CCDC196: variants seen among roughly 807,000 people sequenced by gnomAD.
CCDC196 encodes coiled-coil domain containing 196.
intron 5 of CCDC196, 67 bp downstream of exon 5, chr14:66,490,886 G>C (rs1474628897): frequency 2.5e-6 from 1 of 407,820 alleles, no homozygotes. Context: ...ACAGCCTGCT[G>C]ACAATCAGGG....
chr14:66,493,071 C>T (rs567518796), intron 8 of CCDC196, among the ~76,000 whole-genome samples: 6 of 152,208 alleles, frequency 3.9e-5, no homozygotes. Flanking sequence ...TGAATATGAA[C>T]TCCATTTTTC....
chr14:66,498,177 A>G lies in CCDC196; in HGVS notation c.774+10A>G. The G allele has an allele frequency of 2.4e-6, 1 of 412,982 alleles. No individual in the cohort carries two copies. The highest frequency in any genetic ancestry group is 4.4e-6 in the Non-Finnish European group (1 of 225,740). The allele number at this position is 412,982 out of a possible 1,614,324, so 25.6% of individuals were successfully genotyped here. On this transcript the variant is annotated intron_variant, in intron 9 of 9. Coordinates refer to ENST00000636229, the MANE Select transcript of CCDC196 (RefSeq NM_001351576.1). ...AAATGAACACCATGTGGTGAGAACT[A>G]CTTTCTTTAAACAAACAAAAAATCG...
intron 8 of CCDC196, chr14:66,496,809 A>G (rs144089663): frequency 6.3e-6 from 1 of 159,682 alleles, no homozygotes; most frequent in East Asian, 1.8e-4. Context: ...CCTCCCCTCA[A>G]TCCCCACCAA....
chr14:66,488,569 A>G (rs1394111826), intron 3 of CCDC196, among the ~76,000 whole-genome samples: 1 of 152,188 alleles, frequency 6.6e-6, no homozygotes, highest in African/African-American at 2.4e-5. Flanking sequence ...AAGAATAGAA[A>G]ATACCTATCA....
rs1304395096 is a variant in CCDC196, at chr14:66,489,050, G to C, written c.351+13G>C. 4.8e-6 allele frequency: 2 copies of C among 413,044 alleles called. No homozygotes were observed. Among genetic ancestry groups the C allele is most frequent in the East Asian group, 7.1e-5 (2 of 28,070 alleles). The allele number at this position is 413,044 out of a possible 1,614,324, so 25.6% of individuals were successfully genotyped here. ...GCTATGGAACAAGGTGTGCCTCTAAGGATCTATTGAAAGTATTGTCCTACA... is the reference window on the plus strand; with the variant it reads ...GCTATGGAACAAGGTGTGCCTCTAACGATCTATTGAAAGTATTGTCCTACA... On this transcript the variant is annotated intron_variant, in intron 4 of 9. Transcript: ENST00000636229.
At chr14:66,490,139 T>C (rs181669747) in intron 4 of CCDC196, among the ~76,000 whole-genome samples, 1 of 152,310 alleles carries the variant, frequency 6.6e-6, no homozygotes, top group Admixed American at 6.5e-5. Flanking sequence ...AGTTCCTGGG[T>C]TCTTGAGTCC....
chr14:66,488,174 G>A lies in CCDC196; in HGVS notation c.218G>A (p.Arg73Lys). The A allele has an allele frequency of 2.4e-6, 1 of 413,126 alleles. No individual in the cohort carries two copies. The highest frequency in any genetic ancestry group is 4.4e-6 in the Non-Finnish European group (1 of 225,874). 25.6% of individuals were successfully genotyped at this position (413,126 alleles called of 1,614,324 possible). A position where few individuals can be genotyped will look rare whatever the true frequency, so the allele number is the denominator to read the frequency against. ...CTTTCTTCTAGTCTTCAGATCATGA[G>A]ACAGATCATGGCAGGGAAGGGGTGT... ...EEKQRSLQIM[R>K]QIMAGKGCEE... Residue 73 changes from arginine (R) to lysine (K), a missense_variant, in exon 3 of 10, where the codon AGA becomes AAA. Physicochemically the swap from Arg to Lys is conservative, Grantham distance 26. Transcript: ENST00000636229.
chr14:66,495,939 T>C lies in CCDC196; in HGVS notation c.716-2170T>C, dbSNP rs78923640. On this transcript the variant is annotated intron_variant, in intron 8 of 9. Transcript: ENST00000636229. ...TATTTTACTCCCTGTACTACAGTTA[T>C]CTCCATTTCAAAAAACAGTCACTGC... is the stretch of plus-strand genomic sequence containing the variant. Among the ~76,000 whole-genome samples, 1,169 of 152,346 alleles carry C rather than the reference T, an allele frequency of 7.7e-3. 25 individuals carry two copies. The highest frequency in any genetic ancestry group is 0.027 in the African/African-American group (1,112 of 41,568).
intron 4 of CCDC196, among the ~76,000 whole-genome samples, chr14:66,489,980 C>T (rs144185320): frequency 1.9e-3 from 291 of 152,234 alleles, no homozygotes; most frequent in African/African-American, 6.6e-3. Flanking sequence ...GTGATATAAA[C>T]AGATATATAG....
intron 8 of CCDC196, among the ~76,000 whole-genome samples, chr14:66,492,489 G>C (rs942492403): frequency 4.5e-4 from 68 of 151,752 alleles, no homozygotes; most frequent in Non-Finnish European, 1.0e-4. Context: ...TTACAGGCAC[G>C]CACCACCATG....
At chr14:66,486,832 C>G (rs2057412478) in intron 2 of CCDC196, 23 bp downstream of exon 2, 1 of 412,450 alleles carries the variant, frequency 2.4e-6, no homozygotes, top group South Asian at 1.3e-4. Context: ...ACTCTGGATT[C>G]CTAGAGGTAA....
rs148689303 is a variant in CCDC196, at chr14:66,490,707, C to T, written c.352-35C>T. The T allele has an allele frequency of 3.0e-3, 1,182 of 399,078 alleles. 4 individuals carry two copies. The highest frequency in any genetic ancestry group is 4.7e-3 in the Non-Finnish European group (1,064 of 226,004). The allele number at this position is 399,078 out of a possible 1,614,324, so 24.7% of individuals were successfully genotyped here. ...TTTCCACTTCCCTCTTTAATTTCCACTACTTTAAAGCTTTGCCAAAATGTC... is the reference window on the plus strand; with the variant it reads ...TTTCCACTTCCCTCTTTAATTTCCATTACTTTAAAGCTTTGCCAAAATGTC... On this transcript the variant is annotated intron_variant, in intron 4 of 9. Coordinates refer to ENST00000636229, the MANE Select transcript of CCDC196 (RefSeq NM_001351576.1).
intron 2 of CCDC196, among the ~76,000 whole-genome samples, chr14:66,487,559 C>A (rs978270028): frequency 2.6e-5 from 4 of 152,136 alleles, no homozygotes; most frequent in African/African-American, 4.8e-5. Flanking sequence ...GAAAAAAGTA[C>A]AAGAACACAA....
chr14:66,496,653 C>T (rs1594748821), intron 8 of CCDC196: 2 of 244,358 alleles, frequency 8.2e-6, no homozygotes, highest in East Asian at 9.3e-5. Context: ...TGGCAGTCAC[C>T]TATCTTAGAG....
intron 6 of CCDC196, 51 bp downstream of exon 6, chr14:66,491,155 A>C: frequency 2.4e-6 from 1 of 412,134 alleles, no homozygotes. Flanking sequence ...GTAAACTAGA[A>C]ATCTTTAATG....
chr14:66,497,550 G>A (rs938726982), intron 8 of CCDC196, among the ~76,000 whole-genome samples: 9 of 152,094 alleles, frequency 5.9e-5, no homozygotes, highest in Non-Finnish European at 1.0e-4. Flanking sequence ...TGAGATATAT[G>A]AAAAATTATT....
chr14:66,487,034 A>T (rs1487873312), intron 2 of CCDC196, among the ~76,000 whole-genome samples: 1 of 152,140 alleles, frequency 6.6e-6, no homozygotes, highest in African/African-American at 2.4e-5. Flanking sequence ...TCGTGGGGCT[A>T]GTTATAACTC....
At chr14:66,490,692 C>T (rs1246739946) in intron 4 of CCDC196, 50 bp from the exon 5 acceptor site, 1 of 398,726 alleles carries the variant, frequency 2.5e-6, no homozygotes, top group African/African-American at 2.1e-5. Context: ...TTTCCACTTC[C>T]CTCTTTAATT....
At position 66,498,146 on chromosome 14, in the gene CCDC196, T is replaced by C. The variant is rs2057711112; in HGVS notation, c.753T>C (p.Thr251=). 1 of 412,752 alleles carries C rather than the reference T, an allele frequency of 2.4e-6. No individual in the cohort carries two copies. Among genetic ancestry groups the C allele is most frequent in the Non-Finnish European group, 4.4e-6 (1 of 225,646 alleles). The allele number at this position is 412,752 out of a possible 1,614,324, so 25.6% of individuals were successfully genotyped here. Residue 251 remains threonine, a synonymous_variant, in exon 9 of 10, where the codon ACT becomes ACC. Transcript: ENST00000636229. ...MGITTMDRVT[T]GRNEHHVRIL... ...TTACAACTATGGACAGAGTGACTACTGGCAGAAATGAACACCATGTGGTGA... is the reference window on the plus strand; with the variant it reads ...TTACAACTATGGACAGAGTGACTACCGGCAGAAATGAACACCATGTGGTGA...
Sources: gnomAD v4.1 joint callset for allele counts (sites outside exome capture counted in the v4.1 genomes callset) on GRCh38, gnomAD v4.1.1 for gene constraint, MANE v1.5 for transcripts, NCBI Gene and HGNC (gene_info 2026-07-23, HGNC 2026-07-21) for gene names.